EWSR1: variants seen among roughly 807,000 people sequenced by gnomAD.
The protein encoded by EWSR1 is RNA-binding protein EWS.
Under a neutral mutation model 92.1 loss-of-function variants are expected in EWSR1, and 14 were observed. That is an observed-to-expected ratio of 0.15 (90% CI 0.10 to 0.24). The LOEUF (loss-of-function observed/expected upper bound fraction) is 0.24, where lower values mean the gene tolerates loss of function less well. Ranked by LOEUF, EWSR1 falls within the 10% of genes least tolerant of loss-of-function variation. EWSR1 has a pLI of 1.00. For synonymous variants in EWSR1, 303 were observed against 292.9 expected (o/e 1.03, Z -0.35); for missense variants, 637 against 870.9 (o/e 0.73, Z 3.38).
At chr22:29,283,885 A>G (rs1156918759) in intron 6 of EWSR1, among the ~76,000 whole-genome samples, 2 of 150,278 alleles carry the variant, frequency 1.3e-5, no homozygotes, top group African/African-American at 5.0e-5. Context: ...CCCAGGCTGG[A>G]GTGCAATGGC....
chr22:29,292,252 G>C lies in EWSR1; in HGVS notation c.1045+83G>C. The stretch of plus-strand genomic sequence containing the variant: ...GTAAATGCATGCGTAGAGTTCAGCA[G>C]CCTTATAGACCAGTGTGATATTCTT... On this transcript the variant is annotated intron_variant, in intron 10 of 16. Transcript: ENST00000397938. 5 of 1,331,182 alleles carry C rather than the reference G, an allele frequency of 3.8e-6. No homozygotes were observed. In the Middle Eastern group the frequency reaches 7.2e-4, roughly 193 times the overall value. 82.5% of individuals were successfully genotyped at this position (1,331,182 alleles called of 1,614,324 possible).
At chr22:29,291,259 T>C in intron 8 of EWSR1, 1 of 350,240 alleles carries the variant, frequency 2.9e-6, no homozygotes. Flanking sequence ...GTTTTTCACC[T>C]GACGGGGTGG....
Position 29,292,128 on chromosome 22 carries a change from G to A in EWSR1, c.1013-9G>A. The A allele has an allele frequency of 6.2e-7, 1 of 1,613,416 alleles. No homozygotes were observed. The highest frequency in any genetic ancestry group is 8.5e-7 in the Non-Finnish European group (1 of 1,179,350). On this transcript the variant is annotated splice_polypyrimidine_tract_variant and intron_variant, in intron 9 of 16. Coordinates refer to ENST00000397938, the MANE Select transcript of EWSR1 (RefSeq NM_005243.4). The stretch of plus-strand genomic sequence containing the variant: ...AATAATATTTTATATGATCTTTCCT[G>A]GTTGGCAGGACCCATGGATGAAGGA...
chr22:29,292,096 G>C (rs772694995), intron 9 of EWSR1, 41 bp from the exon 10 acceptor site: 1 of 1,586,964 alleles, frequency 6.3e-7, no homozygotes, highest in Non-Finnish European at 8.7e-7. Context: ...CTTGCAAGAC[G>C]TGCACTAATA....
intron 8 of EWSR1, 112 bp from the exon 9 acceptor site, chr22:29,291,450 T>C: frequency 1.0e-6 from 1 of 958,534 alleles, no homozygotes; most frequent in Non-Finnish European, 1.6e-6. Flanking sequence ...AGAGATGCAT[T>C]GTTTGGAGAT....
rs184746154 is a variant in EWSR1 at position 29,275,877 on chromosome 22, G to C, written c.226+2013G>C. 609 of 231,406 alleles carry C rather than the reference G, an allele frequency of 2.6e-3. 2 individuals are homozygous for C. Among genetic ancestry groups the C allele is most frequent in the Admixed American group, 3.9e-3 (69 of 17,718 alleles). 14.3% of individuals were successfully genotyped at this position (231,406 alleles called of 1,614,324 possible). ...ACCACCTTTTTCCTTCAAGTTGTCA[G>C]CACATAGTAGGTGTGTTTTCTTTTT... is the stretch of plus-strand genomic sequence containing the variant. On this transcript the variant is annotated intron_variant, in intron 4 of 16. Transcript: ENST00000397938.
In EWSR1 at chr22:29,299,652, C is replaced by T. The variant is rs1411534907; in HGVS notation, c.1732C>T (p.Leu578Phe). 1 of 1,610,372 alleles carries T rather than the reference C, an allele frequency of 6.2e-7. No individual in the cohort carries two copies. The highest frequency in any genetic ancestry group is 1.7e-5 in the Admixed American group (1 of 59,892). The stretch of plus-strand genomic sequence containing the variant: ...TGGCATGCGGGGAGGAAGAGGTGGC[C>T]TCATGGATCGTGGTGGTCCCGGTGG... ...PGGMRGGRGGLMDRGGPGGMF... is the reference protein window; with the variant it reads ...PGGMRGGRGGFMDRGGPGGMF... Residue 578 changes from leucine to phenylalanine, a missense_variant, in exon 16 of 17, where the codon CTC (leucine) becomes TTC (phenylalanine). Transcript: ENST00000397938.
intron 4 of EWSR1, chr22:29,276,128 T>C (rs17454495): frequency 0.016 from 3,652 of 231,786 alleles, 42 homozygotes; most frequent in Middle Eastern, 0.027. Flanking sequence ...TGATCACTTT[T>C]AGTTTTTTGT....
intron 5 of EWSR1, among the ~76,000 whole-genome samples, chr22:29,279,962 A>G (rs1272209285): frequency 6.6e-6 from 1 of 152,190 alleles, no homozygotes; most frequent in Non-Finnish European, 1.5e-5. Flanking sequence ...ACCACTTTAA[A>G]ACAGCTGTCT....
chr22:29,275,183 C>T (rs2059007096), intron 4 of EWSR1, among the ~76,000 whole-genome samples: 2 of 152,144 alleles, frequency 1.3e-5, no homozygotes, highest in South Asian at 4.1e-4. Flanking sequence ...GATTTTTTAG[C>T]ATAGAATTTT....
chr22:29,290,507 CG>C, intron 8 of EWSR1: 5 of 1,612,026 alleles, frequency 3.1e-6, no homozygotes, highest in Non-Finnish European at 4.2e-6. Flanking sequence ...GGACTAGACA[CG>C]GTGTCCATAT....
chr22:29,283,058 G>A (rs1021723142), intron 6 of EWSR1, among the ~76,000 whole-genome samples: 10 of 152,100 alleles, frequency 6.6e-5, no homozygotes, highest in South Asian at 2.1e-4. Context: ...CACCGCACCC[G>A]GCCCAGCTAA....
At chr22:29,284,672 G>A (rs1375558210) in intron 6 of EWSR1, among the ~76,000 whole-genome samples, 1 of 151,340 alleles carries the variant, frequency 6.6e-6, no homozygotes, top group Non-Finnish European at 1.5e-5. Flanking sequence ...CTGTTGTCCA[G>A]GCTGGGGTAC....
chr22:29,270,230 C>A (rs774558004), intron 1 of EWSR1, among the ~76,000 whole-genome samples: 1 of 152,140 alleles, frequency 6.6e-6, no homozygotes, highest in Non-Finnish European at 1.5e-5. Flanking sequence ...TTTCTCTCCT[C>A]GTATGTTATC....
chr22:29,298,935 A>G (rs1333088359), intron 14 of EWSR1, 40 bp downstream of exon 14: 1 of 1,513,568 alleles, frequency 6.6e-7, no homozygotes, highest in East Asian at 2.3e-5. Context: ...CTACGAGTGA[A>G]GCCACCCTTC....
chr22:29,273,611 TTTTTG>T (rs1360572200), intron 3 of EWSR1, 125 bp from the exon 4 acceptor site: 4 of 1,027,592 alleles, frequency 3.9e-6, no homozygotes, highest in African/African-American at 1.6e-5. Flanking sequence ...TGTTTTGTTG[TTTTTG>T]TTTTGTTTTT....
Position 29,290,013 on chromosome 22 carries a change from C to T in EWSR1, c.974+1227C>T, listed in dbSNP as rs1293309447. 4 of 234,226 alleles carry T rather than the reference C, an allele frequency of 1.7e-5. No homozygotes were observed. The East Asian group carries it at 2.5e-4, about 14-fold the overall frequency. 14.5% of individuals were successfully genotyped at this position (234,226 alleles called of 1,614,324 possible). A position where few individuals can be genotyped will look rare whatever the true frequency, so the allele number is the denominator to read the frequency against. ...GTACTATCATCACGTCTCAAATCAC[C>T]TAGAATTCCTAGTATTTTTAAATTG... On this transcript the variant is annotated intron_variant, in intron 8 of 16. Transcript: ENST00000397938.
At position 29,268,433 on chromosome 22, in the gene EWSR1, A is replaced by C. The variant is rs529315731; in HGVS notation, c.13+84A>C. 9 of 1,612,208 alleles carry C rather than the reference A, an allele frequency of 5.6e-6. No individual in the cohort carries two copies. The African/African-American group carries it at 1.2e-4, about 21-fold the overall frequency. On this transcript the variant is annotated intron_variant, in intron 1 of 16. Transcript: ENST00000397938. ...CGTTCGTCTCTGGGCTTGGCTGGGA[A>C]GACTGAGTGGAGTTGCCGAGAGGGG... is the stretch of plus-strand genomic sequence containing the variant.
In EWSR1 at chr22:29,300,383, A is replaced by AGACTT. The variant is rs1263571625; in HGVS notation, c.*223_*227dup. 4 of 491,838 alleles carry AGACTT rather than the reference A, an allele frequency of 8.1e-6. No homozygotes were observed. The highest frequency in any genetic ancestry group is 1.5e-5 in the Non-Finnish European group (4 of 274,926). The allele number at this position is 491,838 out of a possible 1,614,324, so 30.5% of individuals were successfully genotyped here. Reference sequence around the variant, plus strand: ...TCCTTCTTTTAAAAATGGTTGTTTAAGACTTTAACAATGGGAACCCCTTGT... The same window carrying AGACTT: ...TCCTTCTTTTAAAAATGGTTGTTTAAGACTTGACTTTAACAATGGGAACCCCTTGT... On this transcript the variant is annotated 3_prime_UTR_variant, in exon 17 of 17. Coordinates refer to ENST00000397938, the MANE Select transcript of EWSR1 (RefSeq NM_005243.4).
Sources: allele counts gnomAD v4.1 joint callset (sites outside exome capture counted in the v4.1 genomes callset), GRCh38; gene constraint gnomAD v4.1.1; transcripts MANE v1.5; gene names NCBI Gene and HGNC (gene_info 2026-07-23, HGNC 2026-07-21).